TTC17: variants seen among roughly 807,000 people sequenced by gnomAD.
The protein encoded by TTC17 is tetratricopeptide repeat protein 17.
A neutral mutation model predicts 143.8 loss-of-function variants in TTC17; 58 were observed. The observed-to-expected ratio is 0.40, with a 90% confidence interval of 0.33 to 0.50. TTC17 has a LOEUF of 0.50. Among genes scored for constraint, TTC17 ranks in the 20% least tolerant of loss-of-function variants. The pLI is 0.49. For synonymous variants in TTC17, 501 were observed against 497.8 expected (o/e 1.01, Z -0.09); for missense variants, 1,273 against 1,392.5 (o/e 0.91, Z 1.37).
chr11:43,366,257 C>T (rs368361381), intron 1 of TTC17, among the ~76,000 whole-genome samples: 3 of 151,942 alleles, frequency 2.0e-5, no homozygotes, highest in Admixed American at 6.6e-5. Context: ...TTATTATTGC[C>T]GCAGCTTCCT....
At chr11:43,432,960 C>T (rs893648691) in intron 16 of TTC17, among the ~76,000 whole-genome samples, 11 of 151,570 alleles carry the variant, frequency 7.3e-5, no homozygotes, top group Admixed American at 2.6e-4. Context: ...AACCCTAAAC[C>T]GGTCTGGTTT....
intron 21 of TTC17, among the ~76,000 whole-genome samples, chr11:43,456,210 A>ACACC (rs1947760960): frequency 1.3e-5 from 2 of 149,402 alleles, no homozygotes; most frequent in Admixed American, 1.4e-4. Context: ...ACACACACAC[A>ACACC]CACCACTTAG....
chr11:43,391,843 T>G lies in TTC17; in HGVS notation c.554T>G (p.Leu185Arg). ...CAGGGTGTACAGGAGAGAGTTAATC[T>G]TTCTGCACCTCTGCTACCTAAAGAA... ...HLRGVQERVN[L>R]SAPLLPKEDP... Residue 185 changes from leucine to arginine, a missense_variant, in exon 5 of 24, where the codon CTT becomes CGT. Transcript: ENST00000039989. The G allele has an allele frequency of 6.2e-7, 1 of 1,613,702 alleles. No homozygotes were observed.
intron 21 of TTC17, among the ~76,000 whole-genome samples, chr11:43,482,371 A>C (rs776006779): frequency 6.6e-6 from 1 of 151,910 alleles, no homozygotes; most frequent in Non-Finnish European, 1.5e-5. Flanking sequence ...TGACAAATTT[A>C]ACTTGTCATA....
At chr11:43,490,189 A>G (rs1271975157) in intron 21 of TTC17, 50 bp from the exon 22 acceptor site, 2 of 1,569,096 alleles carry the variant, frequency 1.3e-6, no homozygotes, top group South Asian at 2.3e-5. Flanking sequence ...TTGGTAATAA[A>G]TGAGTATGTT....
intron 16 of TTC17, among the ~76,000 whole-genome samples, chr11:43,429,960 A>C (rs948415600): frequency 4.6e-5 from 7 of 152,374 alleles, no homozygotes; most frequent in African/African-American, 1.4e-4. Context: ...CTGTTTCACA[A>C]AGACTACTTT....
rs138792978 is a variant in TTC17, at chr11:43,389,720, A to T, written c.318A>T (p.Arg106Ser). 1.2e-6 allele frequency: 2 copies of T among 1,613,958 alleles called. No individual in the cohort carries two copies. The highest frequency in any genetic ancestry group is 4.5e-5 in the East Asian group (2 of 44,890). The change falls in exon 3 of 24, where the codon AGA becomes AGT. Residue 106 changes from arginine to serine, a missense_variant. Transcript: ENST00000039989. ...NEDRDTGLEQRHNKEDPDCIK... is the reference protein window; with the variant it reads ...NEDRDTGLEQSHNKEDPDCIK... ...ACAGAGACACAGGACTGGAACAGAG[A>T]CATAATAAAGAAGACCCAGACTGCA...
chr11:43,365,478 A>C (rs1043380661), intron 1 of TTC17, among the ~76,000 whole-genome samples: 1 of 151,888 alleles, frequency 6.6e-6, no homozygotes, highest in Non-Finnish European at 1.5e-5. Context: ...CATGTCACCC[A>C]GGCTGATCTT....
intron 1 of TTC17, among the ~76,000 whole-genome samples, chr11:43,370,638 A>G (rs577955139): frequency 3.9e-5 from 6 of 152,362 alleles, no homozygotes; most frequent in Non-Finnish European, 8.8e-5. Flanking sequence ...ACATTAAAAA[A>G]AAAGAACACT....
Position 43,443,589 on chromosome 11 carries a change from G to C in TTC17, c.2511+5G>C. The C allele has an allele frequency of 6.2e-7, 1 of 1,601,666 alleles. No homozygotes were observed. The highest frequency in any genetic ancestry group is 1.3e-5 in the African/African-American group (1 of 74,436). ...GATGATGAAGCAACAGAATGGGTAA[G>C]TTTGCCAACTTAATTCTCACAAAAT... On this transcript the variant is annotated splice_donor_5th_base_variant and intron_variant, in intron 17 of 23. Coordinates refer to ENST00000039989, the MANE Select transcript of TTC17 (RefSeq NM_018259.6).
chr11:43,490,635 G>T lies in TTC17; in HGVS notation c.3150+277G>T, dbSNP rs2134493233. 1.9e-5 allele frequency: 4 copies of T among 216,080 alleles called. No homozygotes were observed. In the East Asian group the frequency reaches 3.9e-4, roughly 21 times the overall value. The allele number at this position is 216,080 out of a possible 1,614,324, so 13.4% of individuals were successfully genotyped here. A position where few individuals can be genotyped will look rare whatever the true frequency, so the allele number is the denominator to read the frequency against. ...TTTAGTCCCCTTTCTGCTGTGTTCA[G>T]AGCCACCCAACATACAGCAAATGCA... On this transcript the variant is annotated intron_variant, in intron 22 of 23. Coordinates refer to ENST00000039989, the MANE Select transcript of TTC17 (RefSeq NM_018259.6).
At chr11:43,434,675 A>C (rs192478315) in intron 16 of TTC17, among the ~76,000 whole-genome samples, 1 of 152,314 alleles carries the variant, frequency 6.6e-6, no homozygotes, top group African/African-American at 2.4e-5. Flanking sequence ...CTCAAAGCTT[A>C]TTCTCTGAAG....
intron 1 of TTC17, among the ~76,000 whole-genome samples, chr11:43,371,534 A>G (rs72900904): frequency 0.095 from 14,498 of 152,184 alleles, 818 homozygotes; most frequent in Middle Eastern, 0.16. Context: ...TGCCCTCTCC[A>G]GGAACTTCCA....
At chr11:43,391,428 C>T in intron 3 of TTC17, 37 bp from the exon 4 acceptor site, 2 of 1,260,912 alleles carry the variant, frequency 1.6e-6, no homozygotes, top group Non-Finnish European at 2.3e-6. Flanking sequence ...TTGTTTATCT[C>T]ACCTTTTATT....
intron 21 of TTC17, among the ~76,000 whole-genome samples, chr11:43,460,088 T>TA (rs1452517765): frequency 6.6e-6 from 1 of 152,026 alleles, no homozygotes; most frequent in Non-Finnish European, 1.5e-5. Flanking sequence ...ACCATAATCT[T>TA]ACAGTTAACA....
chr11:43,410,272 G>A (rs1038735669), intron 15 of TTC17, among the ~76,000 whole-genome samples: 3 of 152,070 alleles, frequency 2.0e-5, no homozygotes, highest in African/African-American at 7.2e-5. Flanking sequence ...TCTCTCATGT[G>A]TTAAAAATAT....
intron 16 of TTC17, among the ~76,000 whole-genome samples, chr11:43,425,658 T>C (rs190183684): frequency 1.3e-5 from 2 of 152,294 alleles, no homozygotes; most frequent in Admixed American, 1.3e-4. Flanking sequence ...TATGTGTACA[T>C]GTGTATGCTG....
At chr11:43,392,017 A>G (rs1857410060) in intron 5 of TTC17, 65 bp downstream of exon 5, 1 of 1,516,510 alleles carries the variant, frequency 6.6e-7, no homozygotes, top group Non-Finnish European at 8.8e-7. Context: ...AACAGAAGAT[A>G]TTTTTATCTT....
intron 1 of TTC17, among the ~76,000 whole-genome samples, chr11:43,367,802 T>A (rs1590305962): frequency 6.6e-6 from 1 of 152,024 alleles, no homozygotes; most frequent in African/African-American, 2.4e-5. Context: ...GAGTCTCCTC[T>A]CTCTTCCTTT....
Sources: gnomAD v4.1 joint callset for allele counts (sites outside exome capture counted in the v4.1 genomes callset) on GRCh38, gnomAD v4.1.1 for gene constraint, MANE v1.5 for transcripts, NCBI Gene and HGNC (gene_info 2026-07-23, HGNC 2026-07-21) for gene names.